Variants in PPIG observed in about 807,000 individuals in gnomAD.
The protein encoded by PPIG is peptidyl-prolyl cis-trans isomerase G.
A neutral mutation model predicts 87.9 loss-of-function variants in PPIG; 26 were observed. That is an observed-to-expected ratio of 0.30 (90% CI 0.22 to 0.41). The LOEUF (loss-of-function observed/expected upper bound fraction) is 0.41. PPIG is among the 10% of genes least tolerant of loss of function. The pLI is 1.00. For missense variants in PPIG, 722 were observed against 879.4 expected, an observed-to-expected ratio of 0.82 and a Z score of 2.26; for synonymous variants, 308 against 276.5, an observed-to-expected ratio of 1.11 and a Z score of -1.13.
At chr2:169,606,959 A>T in intron 5 of PPIG, 145 bp from the exon 6 acceptor site, 2 of 636,946 alleles carry the variant, frequency 3.1e-6, no homozygotes, top group Non-Finnish European at 5.5e-6. Flanking sequence ...CGTTATTGAC[A>T]TTAATATCTT....
chr2:169,590,962 TTACCACTGTGCTCC>T (rs1260213039), intron 1 of PPIG, among the ~76,000 whole-genome samples: 37 of 152,336 alleles, frequency 2.4e-4, no homozygotes, highest in African/African-American at 8.7e-4. Context: ...AGCTGTGATC[TTACCACTGTGCTCC>T]AGCCTGAGCG....
Position 169,636,543 on chromosome 2 carries a change from C to G in PPIG, c.1285C>G (p.His429Asp), listed in dbSNP as rs761984175. The G allele has an allele frequency of 1.9e-5, 31 of 1,609,092 alleles. No homozygotes were observed. In the East Asian group the frequency reaches 6.3e-4, roughly 32 times the overall value. ...KNEKEKKVKD[H>D]KSNSKERDIR... The stretch of plus-strand genomic sequence containing the variant: ...TGAAAAGGAGAAGAAAGTTAAAGAC[C>G]ATAAATCTAACAGCAAAGAGAGAGA... Residue 429 changes from histidine to aspartate, a missense_variant, in exon 14 of 14, where the codon CAT becomes GAT. Around this residue, in one of 4 missense-constraint regions of PPIG, gnomAD observed 476 missense variants for 483.1 expected, o/e 0.99. Coordinates refer to ENST00000260970, the MANE Select transcript of PPIG (RefSeq NM_004792.3).
At chr2:169,608,471 C>G (rs1196246218) in intron 6 of PPIG, among the ~76,000 whole-genome samples, 200 bp from the exon 7 acceptor site, 1 of 149,934 alleles carries the variant, frequency 6.7e-6, no homozygotes, top group Non-Finnish European at 1.5e-5. Flanking sequence ...GCCTGGGCAA[C>G]AGAGCGAGAC....
chr2:169,612,639 C>T (rs1232511908), intron 7 of PPIG, among the ~76,000 whole-genome samples: 1 of 152,110 alleles, frequency 6.6e-6, no homozygotes, highest in Admixed American at 6.6e-5. Flanking sequence ...GCCTTGGCCT[C>T]CCAAACTGCT....
intron 1 of PPIG, among the ~76,000 whole-genome samples, chr2:169,586,198 A>T (rs879002530): frequency 6.6e-6 from 1 of 152,064 alleles, no homozygotes; most frequent in Non-Finnish European, 1.5e-5. Context: ...ATGCTCTGAG[A>T]TCCTATAGGG....
In PPIG at chr2:169,633,254, G is replaced by A; in HGVS notation, c.1017+7G>A. The A allele has an allele frequency of 6.4e-7, 1 of 1,557,086 alleles. No individual in the cohort carries two copies. Among genetic ancestry groups the A allele is most frequent in the Non-Finnish European group, 8.8e-7 (1 of 1,130,752 alleles). ...TAAAGGAAGAGGACCAAGGGTAGGTGATTCTTTCCCCAGAGATCTTCACAA... is the reference window on the plus strand; with the variant it reads ...TAAAGGAAGAGGACCAAGGGTAGGTAATTCTTTCCCCAGAGATCTTCACAA... On this transcript the variant is annotated splice_region_variant and intron_variant, in intron 12 of 13. Transcript: ENST00000260970.
intron 1 of PPIG, among the ~76,000 whole-genome samples, chr2:169,601,881 T>C (rs1384159910): frequency 6.7e-6 from 1 of 149,482 alleles, no homozygotes; most frequent in Non-Finnish European, 1.5e-5. Context: ...GGATAAAATA[T>C]ACACTGGATT....
intron 1 of PPIG, among the ~76,000 whole-genome samples, chr2:169,596,526 C>T (rs1017726381): frequency 6.6e-6 from 1 of 152,192 alleles, no homozygotes; most frequent in African/African-American, 2.4e-5. Flanking sequence ...TTAGACTGCT[C>T]AGTGAGGCAG....
At chr2:169,626,723 A>G (rs1685897337) in intron 9 of PPIG, among the ~76,000 whole-genome samples, 1 of 135,820 alleles carries the variant, frequency 7.4e-6, no homozygotes, top group Non-Finnish European at 1.6e-5. Context: ...TTTATTTGTT[A>G]AATCAGGACG....
In PPIG at chr2:169,636,142, T is replaced by C. The variant is rs1291179857; in HGVS notation, c.1068T>C (p.Ser356=). The change falls in exon 13 of 14, where the codon AGT becomes AGC. Residue 356 remains serine (S), a synonymous_variant. Transcript: ENST00000260970. The stretch of plus-strand genomic sequence containing the variant: ...GATCAAGGGATCGTTTCAGACGTAG[T>C]GAGACTCCTCCACATTGGAGGCAAG... ...RSRSRDRFRR[S]ETPPHWRQEM... 1.2e-6 allele frequency: 2 copies of C among 1,612,310 alleles called. No homozygotes were observed. Among genetic ancestry groups the C allele is most frequent in the Non-Finnish European group, 1.7e-6 (2 of 1,179,288 alleles).
Position 169,636,222 on chromosome 2 carries a change from G to A in PPIG, c.1148G>A (p.Gly383Glu). The A allele has an allele frequency of 1.3e-6, 2 of 1,594,030 alleles. No homozygotes were observed. Among genetic ancestry groups the A allele is most frequent in the Non-Finnish European group, 1.7e-6 (2 of 1,174,738 alleles). ...TCAAGTGGTGAAAGATGGATCAAGGGGGATAAGTAAGATTTAACTATTATT... is the reference window on the plus strand; with the variant it reads ...TCAAGTGGTGAAAGATGGATCAAGGAGGATAAGTAAGATTTAACTATTATT... ...RVSSGERWIK[G>E]DKSELNEIKE... Residue 383 changes from glycine to glutamate, a missense_variant, in exon 13 of 14, where the codon GGG becomes GAG. Gly to Glu is a moderately conservative substitution (Grantham distance 98, BLOSUM62 -2). Coordinates refer to ENST00000260970, the MANE Select transcript of PPIG (RefSeq NM_004792.3).
At chr2:169,632,191 C>T (rs1239436602) in intron 11 of PPIG, among the ~76,000 whole-genome samples, 1 of 152,084 alleles carries the variant, frequency 6.6e-6, no homozygotes, top group Non-Finnish European at 1.5e-5. Context: ...AGCAGCATTC[C>T]AAGCCAATAA....
chr2:169,617,893 G>A (rs1001474786), intron 9 of PPIG, among the ~76,000 whole-genome samples: 4 of 152,154 alleles, frequency 2.6e-5, no homozygotes, highest in African/African-American at 9.7e-5. Context: ...ATACTATGTT[G>A]AATAGAAGAG....
At chr2:169,595,648 G>A (rs910191940) in intron 1 of PPIG, among the ~76,000 whole-genome samples, 6 of 152,078 alleles carry the variant, frequency 3.9e-5, no homozygotes, top group Admixed American at 2.6e-4. Context: ...ACAAATAAGT[G>A]AGAACATGTG....
Position 169,636,767 on chromosome 2 carries a change from G to C in PPIG, c.1509G>C (p.Gln503His). The change falls in exon 14 of 14, where the codon CAG (glutamine) becomes CAC (histidine). Residue 503 changes from glutamine (Q) to histidine (H), a missense_variant. Around this residue, in one of 4 missense-constraint regions of PPIG, gnomAD observed 476 missense variants for 483.1 expected, o/e 0.99. Coordinates refer to ENST00000260970, the MANE Select transcript of PPIG (RefSeq NM_004792.3). ...DHENVKEKEK[Q>H]SDSKGKDQER... ...AAAATGTTAAAGAAAAAGAAAAGCA[G>C]TCTGATTCTAAAGGAAAAGATCAGG... 2 of 1,612,246 alleles carry C rather than the reference G, an allele frequency of 1.2e-6. No individual in the cohort carries two copies. The highest frequency in any genetic ancestry group is 1.7e-6 in the Non-Finnish European group (2 of 1,179,742).
At chr2:169,631,245 TAGG>T (rs1174390397) in intron 10 of PPIG, among the ~76,000 whole-genome samples, 2 of 152,176 alleles carry the variant, frequency 1.3e-5, no homozygotes, top group African/African-American at 4.8e-5. Flanking sequence ...GTGTGTTTTA[TAGG>T]AGGATTATGG....
At position 169,636,852 on chromosome 2, in the gene PPIG, C is replaced by T. The variant is rs1371737356; in HGVS notation, c.1594C>T (p.His532Tyr). 1 of 1,613,664 alleles carries T rather than the reference C, an allele frequency of 6.2e-7. No individual in the cohort carries two copies. Among genetic ancestry groups the T allele is most frequent in the Admixed American group, 1.7e-5 (1 of 59,954 alleles). Residue 532 changes from histidine (H) to tyrosine (Y), a missense_variant, in exon 14 of 14, where the codon CAC becomes TAC. Physicochemically the swap from His to Tyr is moderately conservative, Grantham distance 83. Transcript: ENST00000260970. Reference sequence around the variant, plus strand: ...AGAATCAAAGAGTAATGAGCATGATCACAGTAAAAGTAAGGAAAAGGATAG... The same window carrying T: ...AGAATCAAAGAGTAATGAGCATGATTACAGTAAAAGTAAGGAAAAGGATAG... ...QLESKSNEHD[H>Y]SKSKEKDRRA... is the part of the protein sequence containing the mutation.
At chr2:169,623,974 T>G (rs1287013852) in intron 9 of PPIG, among the ~76,000 whole-genome samples, 2 of 152,188 alleles carry the variant, frequency 1.3e-5, no homozygotes, top group East Asian at 3.9e-4. Context: ...TTTCTGGTTT[T>G]GTTTTGTTTT....
At chr2:169,584,879 A>G (rs899027820) in intron 1 of PPIG, 33 of 270,208 alleles carry the variant, frequency 1.2e-4, no homozygotes, top group Non-Finnish European at 2.1e-4. Context: ...TCAAAATCCT[A>G]AGACTCAGCA....
Sources: gnomAD v4.1 joint callset for allele counts (sites outside exome capture counted in the v4.1 genomes callset) on GRCh38, gnomAD v4.1.1 for gene constraint, gnomAD v4.1.1 regional missense constraint, MANE v1.5 for transcripts, NCBI Gene and HGNC (gene_info 2026-07-23, HGNC 2026-07-21) for gene names.